BRINP3: variants seen among roughly 807,000 people sequenced by gnomAD.
The protein encoded by BRINP3 is BMP/retinoic acid-inducible neural-specific protein 3.
Under a neutral mutation model 71.0 loss-of-function variants are expected in BRINP3, and 19 were observed. The ratio of observed to expected loss-of-function variants is 0.27; its 90% confidence interval spans 0.19 to 0.39. BRINP3 has a LOEUF of 0.39. Ranked by LOEUF, BRINP3 falls within the 10% of genes least tolerant of loss-of-function variation. The pLI, the probability that BRINP3 is intolerant of heterozygous loss-of-function variation, is 1.00. For synonymous variants in BRINP3, 380 were observed against 337.7 expected (o/e 1.13, Z -1.37); for missense variants, 959 against 940.8 (o/e 1.02, Z -0.25).
intron 7 of BRINP3, among the ~76,000 whole-genome samples, chr1:190,148,390 G>A (rs1166925737): frequency 1.3e-5 from 2 of 151,804 alleles, no homozygotes; most frequent in African/African-American, 2.4e-5. Context: ...TCAGGAGATC[G>A]AAACCATCCT....
intron 6 of BRINP3, among the ~76,000 whole-genome samples, chr1:190,181,767 G>A (rs1489769502): frequency 6.6e-6 from 1 of 151,654 alleles, no homozygotes; most frequent in East Asian, 1.9e-4. Context: ...GTTTTCTTTG[G>A]CCACCAAACG....
At chr1:190,417,855 A>G (rs192775461) in intron 2 of BRINP3, among the ~76,000 whole-genome samples, 1 of 152,338 alleles carries the variant, frequency 6.6e-6, no homozygotes, top group East Asian at 1.9e-4. Flanking sequence ...ATTTTTAATA[A>G]CTTACAAAAA....
intron 4 of BRINP3, among the ~76,000 whole-genome samples, chr1:190,251,020 C>T (rs1660088133): frequency 6.6e-6 from 1 of 151,640 alleles, no homozygotes; most frequent in Admixed American, 6.6e-5. Flanking sequence ...AGTTTGAGAC[C>T]AGGCTGGAAA....
intron 5 of BRINP3, among the ~76,000 whole-genome samples, chr1:190,230,148 C>G (rs1657824283): frequency 6.6e-6 from 1 of 151,366 alleles, no homozygotes; most frequent in Non-Finnish European, 1.5e-5. Flanking sequence ...ATATGAAATA[C>G]AGAAAATAGC....
At chr1:190,399,563 GT>G (rs1401396214) in intron 2 of BRINP3, among the ~76,000 whole-genome samples, 1 of 151,974 alleles carries the variant, frequency 6.6e-6, no homozygotes, top group African/African-American at 2.4e-5. Context: ...GTACTCTCCT[GT>G]TCATAGCCAG....
chr1:190,292,015 G>C (rs571817917), intron 2 of BRINP3, among the ~76,000 whole-genome samples: 2 of 152,172 alleles, frequency 1.3e-5, no homozygotes, highest in African/African-American at 4.8e-5. Context: ...CTGGAGGAGA[G>C]GACATTATGT....
chr1:190,283,168 G>A (rs1663171348), intron 2 of BRINP3, among the ~76,000 whole-genome samples: 1 of 151,920 alleles, frequency 6.6e-6, no homozygotes, highest in African/African-American at 2.4e-5. Flanking sequence ...ACATAAATTA[G>A]AAATTCTTTC....
chr1:190,460,847 C>A (rs557555788), intron 1 of BRINP3, among the ~76,000 whole-genome samples: 15 of 152,292 alleles, frequency 9.8e-5, no homozygotes, highest in Admixed American at 5.2e-4. Context: ...CATATACAAT[C>A]TGTCCTCAAG....
intron 6 of BRINP3, among the ~76,000 whole-genome samples, chr1:190,199,067 A>G (rs1356963317): frequency 6.6e-6 from 1 of 152,150 alleles, no homozygotes; most frequent in Non-Finnish European, 1.5e-5. Context: ...AAGCAAAGAC[A>G]CATCTTACAT....
intron 2 of BRINP3, chr1:190,302,802 T>C (rs1664829464): frequency 6.6e-6 from 1 of 151,874 alleles, no homozygotes. Flanking sequence ...GTAAGTGCTG[T>C]ATATATTTAA....
At chr1:190,348,288 T>C (rs992410379) in intron 2 of BRINP3, among the ~76,000 whole-genome samples, 10 of 152,130 alleles carry the variant, frequency 6.6e-5, no homozygotes, top group Non-Finnish European at 1.2e-4. Flanking sequence ...TTATAAATGT[T>C]TGGGCCATTT....
At chr1:190,204,034 A>T (rs1655272686) in intron 6 of BRINP3, among the ~76,000 whole-genome samples, 1 of 151,464 alleles carries the variant, frequency 6.6e-6, no homozygotes. Flanking sequence ...TCTTCTAAAA[A>T]TTAAGCTATT....
chr1:190,430,601 T>C (rs561532042), intron 2 of BRINP3, among the ~76,000 whole-genome samples: 35 of 152,294 alleles, frequency 2.3e-4, no homozygotes, highest in Admixed American at 2.2e-3. Flanking sequence ...CATAGCTAAA[T>C]TGTATAATTA....
intron 7 of BRINP3, among the ~76,000 whole-genome samples, chr1:190,117,849 T>C (rs982700637): frequency 1.3e-5 from 2 of 152,056 alleles, no homozygotes; most frequent in African/African-American, 4.8e-5. Flanking sequence ...CTTAAGTCTT[T>C]TTCAGTCGTT....
intron 2 of BRINP3, among the ~76,000 whole-genome samples, chr1:190,407,994 GATGTACTT>G (rs1672396768): frequency 1.4e-5 from 2 of 143,266 alleles, no homozygotes; most frequent in Non-Finnish European, 3.1e-5. Flanking sequence ...TTCTACATTT[GATGTACTT>G]TCTTTTCTAC....
At chr1:190,233,050 G>A (rs1658150587) in intron 5 of BRINP3, among the ~76,000 whole-genome samples, 1 of 151,668 alleles carries the variant, frequency 6.6e-6, no homozygotes, top group East Asian at 1.9e-4. Flanking sequence ...AAAATAAAAG[G>A]CATTCATTCA....
intron 2 of BRINP3, among the ~76,000 whole-genome samples, chr1:190,408,237 G>C (rs1337608596): frequency 6.6e-6 from 1 of 150,776 alleles, no homozygotes; most frequent in Non-Finnish European, 1.5e-5. Context: ...GTAGAGACGG[G>C]GTTTCACCGT....
intron 2 of BRINP3, among the ~76,000 whole-genome samples, chr1:190,324,011 G>A (rs757135387): frequency 7.9e-5 from 12 of 151,870 alleles, no homozygotes; most frequent in Non-Finnish European, 1.2e-4. Context: ...AAATATCAAT[G>A]ACTGCTTTTT....
chr1:190,227,944 G>A (rs1447331822), intron 5 of BRINP3, among the ~76,000 whole-genome samples: 1 of 151,792 alleles, frequency 6.6e-6, no homozygotes, highest in East Asian at 1.9e-4. Flanking sequence ...GTACCCATTT[G>A]GAAGTAGAAG....
Sources: allele counts gnomAD v4.1 joint callset (sites outside exome capture counted in the v4.1 genomes callset), GRCh38; gene constraint gnomAD v4.1.1; transcripts MANE v1.5; gene names NCBI Gene and HGNC (gene_info 2026-07-23, HGNC 2026-07-21).